The following ARHGAP23 variants were observed in gnomAD, a reference collection of about 807,000 sequenced individuals.
ARHGAP23 encodes the protein rho GTPase-activating protein 23.
In ARHGAP23, 34 loss-of-function variants were observed where a neutral mutation model predicts 136.3. The observed-to-expected ratio is 0.25, with a 90% CI of 0.19 to 0.33. The LOEUF (loss-of-function observed/expected upper bound fraction) is 0.33, where lower values mean the gene tolerates loss of function less well. Ranked by LOEUF, ARHGAP23 falls within the 10% of genes least tolerant of loss-of-function variation. The probability of loss-of-function intolerance (pLI) is 1.00; values close to 1 mark genes in which losing one functional copy is unlikely to be tolerated. For missense variants in ARHGAP23, 1,808 were observed against 2,139.0 expected (o/e 0.85, Z 3.05); for synonymous variants, 832 against 920.5 (o/e 0.90, Z 1.74).
intron 16 of ARHGAP23, among the ~76,000 whole-genome samples, chr17:38,484,515 T>C (rs940768296): frequency 1.3e-5 from 2 of 152,004 alleles, no homozygotes; most frequent in Non-Finnish European, 2.9e-5. Context: ...GGGGCCACGC[T>C]CTGAGTGGGA....
intron 14 of ARHGAP23, among the ~76,000 whole-genome samples, chr17:38,481,394 G>A (rs1247823737): frequency 6.6e-6 from 1 of 152,044 alleles, no homozygotes; most frequent in Non-Finnish European, 1.5e-5. Context: ...TGATCCGCCC[G>A]CCTCGGCCTC....
At chr17:38,506,759 C>T (rs2040642842) in intron 23 of ARHGAP23, among the ~76,000 whole-genome samples, 1 of 152,200 alleles carries the variant, frequency 6.6e-6, no homozygotes, top group Non-Finnish European at 1.5e-5. Flanking sequence ...GGCTCCACCT[C>T]CAAACTGGGG....
chr17:38,454,974 A>G (rs1207917083), intron 1 of ARHGAP23, among the ~76,000 whole-genome samples: 1 of 152,160 alleles, frequency 6.6e-6, no homozygotes, highest in Non-Finnish European at 1.5e-5. Flanking sequence ...GGAGAATTTA[A>G]TCAGCAATGT....
intron 1 of ARHGAP23, among the ~76,000 whole-genome samples, chr17:38,446,771 G>A (rs569994039): frequency 7.9e-5 from 12 of 152,020 alleles, no homozygotes; most frequent in Admixed American, 5.9e-4. Context: ...CTGCCATACT[G>A]ATTTCCATAG....
chr17:38,459,022 G>A (rs937953916), intron 2 of ARHGAP23, among the ~76,000 whole-genome samples: 1 of 152,224 alleles, frequency 6.6e-6, no homozygotes, highest in Middle Eastern at 3.2e-3. Context: ...TGACAGCGAA[G>A]CAGAAGTGTG....
chr17:38,458,731 C>G (rs993310449), intron 2 of ARHGAP23, among the ~76,000 whole-genome samples: 3 of 152,220 alleles, frequency 2.0e-5, no homozygotes, highest in African/African-American at 7.2e-5. Flanking sequence ...CCTCCCAGCA[C>G]GCCCCTGGCC....
At chr17:38,470,737 A>G (rs1421075983) in intron 10 of ARHGAP23, among the ~76,000 whole-genome samples, 1 of 151,796 alleles carries the variant, frequency 6.6e-6, no homozygotes, top group Non-Finnish European at 1.5e-5. Flanking sequence ...GGGTTTCACC[A>G]TGTTGGCCAG....
At chr17:38,453,698 C>CCGGGAGGCG (rs1567787328) in intron 1 of ARHGAP23, 1 of 149,778 alleles carries the variant, frequency 6.7e-6, no homozygotes. Flanking sequence ...GCGCCTTCAG[C>CCGGGAGGCG]CGGGAGGCGC....
At chr17:38,431,628 A>G (rs1244703579) in intron 1 of ARHGAP23, among the ~76,000 whole-genome samples, 1 of 152,202 alleles carries the variant, frequency 6.6e-6, no homozygotes, top group Non-Finnish European at 1.5e-5. Flanking sequence ...CCTCAGTGGG[A>G]CATCAGGCTG....
chr17:38,429,977 TCCAAAGGCAGC>T (rs1375423407), intron 1 of ARHGAP23, among the ~76,000 whole-genome samples: 2 of 152,106 alleles, frequency 1.3e-5, no homozygotes, highest in Admixed American at 6.5e-5. Flanking sequence ...TCATTTCGCC[TCCAAAGGCAGC>T]CCAAAGGCCC....
At chr17:38,424,287 C>G (rs1445838533), upstream of ARHGAP23, among the ~76,000 whole-genome samples, 2 of 152,182 alleles carry the variant, frequency 1.3e-5, no homozygotes, top group African/African-American at 2.4e-5. Context: ...CTCAACCCAA[C>G]AGCCTGCTGA....
intron 7 of ARHGAP23, 64 bp from the exon 8 acceptor site, chr17:38,469,080 A>T: frequency 1.3e-6 from 2 of 1,484,216 alleles, no homozygotes; most frequent in Non-Finnish European, 1.8e-6. Context: ...TGGCAAGGCT[A>T]GGGTGGAGGC....
chr17:38,453,872 C>G (rs1451037394), intron 1 of ARHGAP23: 1 of 144,900 alleles, frequency 6.9e-6, no homozygotes, highest in Non-Finnish European at 1.5e-5. Context: ...GGGCGCCTAG[C>G]AGCGGCCCCG....
chr17:38,500,194 T>A (rs2040490350), intron 22 of ARHGAP23: 1 of 226,666 alleles, frequency 4.4e-6, no homozygotes, highest in Non-Finnish European at 8.7e-6. Context: ...CATCTGTGAT[T>A]TGCTGTGTTT....
At chr17:38,433,235 A>G (rs1336113249) in intron 1 of ARHGAP23, among the ~76,000 whole-genome samples, 21 of 152,168 alleles carry the variant, frequency 1.4e-4, no homozygotes, top group Non-Finnish European at 1.5e-5. Context: ...TGCGGGGATT[A>G]CAGGTGTGAG....
rs764737676 is a variant in ARHGAP23 at position 38,466,607 on chromosome 17, G to A, written c.924G>A (p.Met308Ile). 9.3e-6 allele frequency: 14 copies of A among 1,512,252 alleles called. No homozygotes were observed. The highest frequency in any genetic ancestry group is 1.2e-5 in the Non-Finnish European group (14 of 1,135,474). The allele number at this position is 1,512,252 out of a possible 1,614,324, so 93.7% of individuals were successfully genotyped here. ...RRAGERRCPA[M>I]APRARSASQD... ...CGGGGGAGAGACGGTGCCCAGCCAT[G>A]GCCCCCCGGGCCCGCAGCGCCTCCC... is the stretch of plus-strand genomic sequence containing the variant. The change falls in exon 7 of 24, where the codon ATG becomes ATA. Residue 308 changes from methionine to isoleucine, a missense_variant. Met to Ile is a conservative substitution (Grantham distance 10). Coordinates refer to ENST00000622683, the MANE Select transcript of ARHGAP23 (RefSeq NM_001199417.2).
intron 23 of ARHGAP23, among the ~76,000 whole-genome samples, chr17:38,502,472 G>C (rs58128623): frequency 0.19 from 29,574 of 152,160 alleles, 3,089 homozygotes; most frequent in East Asian, 0.44. Context: ...TCAGTACTGT[G>C]CTGGGTACTG....
chr17:38,436,476 A>G (rs2038801123), intron 1 of ARHGAP23, among the ~76,000 whole-genome samples: 1 of 152,176 alleles, frequency 6.6e-6, no homozygotes, highest in Non-Finnish European at 1.5e-5. Flanking sequence ...TGATCCCAGC[A>G]TGGGAGGCCC....
intron 23 of ARHGAP23, among the ~76,000 whole-genome samples, chr17:38,502,269 G>C (rs2092391383): frequency 6.6e-6 from 1 of 152,238 alleles, no homozygotes; most frequent in Non-Finnish European, 1.5e-5. Context: ...TCGTGCCACT[G>C]CACTCCAGTC....
Sources: allele counts gnomAD v4.1 joint callset (sites outside exome capture counted in the v4.1 genomes callset), GRCh38; gene constraint gnomAD v4.1.1; transcripts MANE v1.5; gene names NCBI Gene and HGNC (gene_info 2026-07-23, HGNC 2026-07-21).